The following ERBB4 variants were observed in gnomAD, a reference collection of about 807,000 sequenced individuals.
ERBB4 encodes the protein erb-b2 receptor tyrosine kinase 4.
A neutral mutation model predicts 158.0 loss-of-function variants in ERBB4; 42 were observed. That is an observed-to-expected ratio of 0.27 (90% CI 0.21 to 0.34). ERBB4 has a LOEUF of 0.34. Among genes scored for constraint, ERBB4 ranks in the 10% least tolerant of loss-of-function variants. ERBB4 has a pLI of 1.00. For missense variants in ERBB4, 1,333 were observed against 1,624.1 expected (o/e 0.82, Z 3.08); for synonymous variants, 583 against 558.7 (o/e 1.04, Z -0.61).
intron 1 of ERBB4, among the ~76,000 whole-genome samples, chr2:212,288,497 G>A (rs2086084249): frequency 6.6e-6 from 1 of 152,122 alleles, no homozygotes; most frequent in Admixed American, 6.5e-5. Context: ...CTGGGGTGGA[G>A]CCTCAGGAAG....
intron 3 of ERBB4, among the ~76,000 whole-genome samples, chr2:211,874,408 C>T (rs1042376206): frequency 1.3e-5 from 2 of 152,058 alleles, no homozygotes; most frequent in Non-Finnish European, 2.9e-5. Flanking sequence ...TTCTTATTTC[C>T]AGAGTTTTTT....
At chr2:211,540,645 C>A (rs558593966) in intron 20 of ERBB4, among the ~76,000 whole-genome samples, 3 of 151,786 alleles carry the variant, frequency 2.0e-5, no homozygotes, top group African/African-American at 7.2e-5. Flanking sequence ...CTCACTGCAA[C>A]CTTTGCCTCC....
At chr2:211,882,466 A>G (rs1376289495) in intron 3 of ERBB4, among the ~76,000 whole-genome samples, 5 of 152,206 alleles carry the variant, frequency 3.3e-5, no homozygotes, top group Admixed American at 3.3e-4. Context: ...GATAAATATA[A>G]TAAATATAAA....
chr2:212,436,138 C>A (rs1396019235), intron 1 of ERBB4, among the ~76,000 whole-genome samples: 3 of 151,736 alleles, frequency 2.0e-5, no homozygotes, highest in Non-Finnish European at 2.9e-5. Context: ...TAAATGAGTA[C>A]ATGTAATCTC....
chr2:212,004,605 A>G (rs1033085928), intron 2 of ERBB4, among the ~76,000 whole-genome samples: 6 of 152,126 alleles, frequency 3.9e-5, no homozygotes, highest in South Asian at 2.1e-4. Context: ...GATTGATTCC[A>G]GGACTTTGAG....
intron 20 of ERBB4, among the ~76,000 whole-genome samples, chr2:211,549,957 G>A (rs1314603235): frequency 6.6e-6 from 1 of 152,114 alleles, no homozygotes; most frequent in Non-Finnish European, 1.5e-5. Context: ...ACATGATAAA[G>A]TGGAACTTCA....
At chr2:212,455,448 T>C (rs1688241491) in intron 1 of ERBB4, among the ~76,000 whole-genome samples, 1 of 152,136 alleles carries the variant, frequency 6.6e-6, no homozygotes, top group Non-Finnish European at 1.5e-5. Flanking sequence ...CTCTCTGCAT[T>C]GTCCAATATG....
rs1375591001 is a variant in ERBB4 at position 211,378,536 on chromosome 2, G to A, written c.*5079C>T. 1.7e-5 allele frequency: 4 copies of A among 232,680 alleles called. No homozygotes were observed. The East Asian group carries it at 1.8e-4, about 11-fold the overall frequency. 14.4% of individuals were successfully genotyped at this position (232,680 alleles called of 1,614,324 possible). Reference sequence around the variant, plus strand: ...ACACAAACACAAGGGCCCCTGGCCCGACACAATGCCCACAACAGCTTCTTG... The same window carrying A: ...ACACAAACACAAGGGCCCCTGGCCCAACACAATGCCCACAACAGCTTCTTG... On this transcript the variant is annotated 3_prime_UTR_variant, in exon 28 of 28. Transcript: ENST00000342788.
At chr2:211,930,224 C>T (rs900917513) in intron 3 of ERBB4, among the ~76,000 whole-genome samples, 1 of 152,036 alleles carries the variant, frequency 6.6e-6, no homozygotes, top group Non-Finnish European at 1.5e-5. Context: ...TACTTTCATG[C>T]CCAGCAAACA....
chr2:212,340,090 C>T (rs1505354), intron 1 of ERBB4, among the ~76,000 whole-genome samples: 94,259 of 150,854 alleles, frequency 0.62, 30,661 homozygotes, highest in East Asian at 0.8. Flanking sequence ...GGCTGAAGTG[C>T]AGTGGAGTGA....
intron 1 of ERBB4, among the ~76,000 whole-genome samples, chr2:212,385,459 A>T (rs1405568167): frequency 6.6e-6 from 1 of 151,802 alleles, no homozygotes; most frequent in East Asian, 1.9e-4. Flanking sequence ...TCAACATCCC[A>T]TTCAAAGATT....
intron 16 of ERBB4, among the ~76,000 whole-genome samples, chr2:211,646,823 C>T (rs771614464): frequency 2.0e-5 from 3 of 151,548 alleles, no homozygotes; most frequent in Admixed American, 6.6e-5. Flanking sequence ...CTGCTATTTT[C>T]CATGCAAAAG....
At chr2:212,350,750 G>A (rs2089216490) in intron 1 of ERBB4, among the ~76,000 whole-genome samples, 1 of 151,892 alleles carries the variant, frequency 6.6e-6, no homozygotes, top group African/African-American at 2.4e-5. Context: ...ACATCATAAA[G>A]AAGCATATTA....
chr2:211,821,470 A>G (rs992483556), intron 3 of ERBB4, among the ~76,000 whole-genome samples: 1 of 151,910 alleles, frequency 6.6e-6, no homozygotes, highest in Non-Finnish European at 1.5e-5. Flanking sequence ...GATTCAATGC[A>G]CTCCCTATCA....
chr2:211,988,331 C>T (rs910138827), intron 2 of ERBB4, among the ~76,000 whole-genome samples: 1 of 152,030 alleles, frequency 6.6e-6, no homozygotes, highest in Non-Finnish European at 1.5e-5. Flanking sequence ...TCTCTCCAAG[C>T]CTCATCCCCT....
intron 2 of ERBB4, among the ~76,000 whole-genome samples, chr2:212,047,747 G>A (rs12616270): frequency 0.12 from 17,754 of 151,422 alleles, 1,529 homozygotes; most frequent in South Asian, 0.3. Flanking sequence ...GCCTCCCAAA[G>A]TGCTAGGATT....
intron 1 of ERBB4, among the ~76,000 whole-genome samples, chr2:212,443,314 T>C (rs1029834033): frequency 2.0e-5 from 3 of 152,186 alleles, no homozygotes; most frequent in Admixed American, 1.3e-4. Flanking sequence ...GAGCAGAAAA[T>C]AGCAAACACA....
chr2:211,847,318 A>C (rs1482130564), intron 3 of ERBB4, among the ~76,000 whole-genome samples: 4 of 152,206 alleles, frequency 2.6e-5, no homozygotes, highest in African/African-American at 9.6e-5. Context: ...TCAGTCAACA[A>C]GCGGTTACAA....
At position 211,940,258 on chromosome 2, in the gene ERBB4, C is replaced by A. The variant is rs531949628; in HGVS notation, c.421+7172G>T. 1.1e-3 allele frequency among the ~76,000 whole-genome samples: 174 copies of A among 152,084 alleles called. 1 individual carries two copies. The highest frequency in any genetic ancestry group is 4.0e-3 in the African/African-American group (167 of 41,468). ...GATATATTTACTGTTTTCCTCAGAGCAAAACGATGGAGCCATTGTTGTATT... is the reference window on the plus strand; with the variant it reads ...GATATATTTACTGTTTTCCTCAGAGAAAAACGATGGAGCCATTGTTGTATT... On this transcript the variant is annotated intron_variant, in intron 3 of 27. Transcript: ENST00000342788.
Sources: gnomAD v4.1 joint callset for allele counts (sites outside exome capture counted in the v4.1 genomes callset) on GRCh38, gnomAD v4.1.1 for gene constraint, MANE v1.5 for transcripts, NCBI Gene and HGNC (gene_info 2026-07-23, HGNC 2026-07-21) for gene names.